The following CDH4 variants were observed in gnomAD, a reference collection of about 807,000 sequenced individuals.
CDH4 encodes the protein cadherin 4, also known as cadherin-4.
Under a neutral mutation model 86.0 loss-of-function variants are expected in CDH4, and 33 were observed. The observed-to-expected ratio is 0.38, with a 90% confidence interval of 0.29 to 0.51. CDH4 has a LOEUF of 0.51. Among genes scored for constraint, CDH4 ranks in the 20% least tolerant of loss-of-function variants. The probability of loss-of-function intolerance (pLI) is 0.86; values close to 1 mark genes in which losing one functional copy is unlikely to be tolerated. For synonymous variants in CDH4, 555 were observed against 549.4 expected (o/e 1.01, Z -0.14); for missense variants, 1,114 against 1,307.4 (o/e 0.85, Z 2.28).
intron 2 of CDH4, among the ~76,000 whole-genome samples, chr20:61,305,567 C>T (rs1030441050): frequency 6.6e-6 from 1 of 152,218 alleles, no homozygotes; most frequent in Admixed American, 6.5e-5. Flanking sequence ...AAATAAAACT[C>T]CCTTGATTCT....
chr20:61,398,420 A>C (rs1353554910), intron 2 of CDH4, among the ~76,000 whole-genome samples: 2 of 152,236 alleles, frequency 1.3e-5, no homozygotes, highest in Non-Finnish European at 2.9e-5. Flanking sequence ...GAATCATCGG[A>C]TGTGTATACA....
At chr20:61,527,101 G>A (rs1345054356) in intron 2 of CDH4, among the ~76,000 whole-genome samples, 2 of 152,218 alleles carry the variant, frequency 1.3e-5, no homozygotes, top group East Asian at 1.9e-4. Flanking sequence ...CATGAACTAC[G>A]CGCACATACA....
At chr20:61,888,392 C>T (rs771399530) in intron 7 of CDH4, among the ~76,000 whole-genome samples, 18 of 152,150 alleles carry the variant, frequency 1.2e-4, no homozygotes, top group Non-Finnish European at 2.5e-4. Context: ...AAGGGAGGGC[C>T]GGGTGCTCAC....
chr20:61,928,074 C>G, intron 11 of CDH4, 116 bp from the exon 12 acceptor site: 1 of 817,534 alleles, frequency 1.2e-6, no homozygotes, highest in Admixed American at 1.8e-5. Context: ...GGGGTCTGCA[C>G]ATGTGTCCCT....
chr20:61,760,305 C>T (rs1568800466), intron 3 of CDH4, among the ~76,000 whole-genome samples: 1 of 152,262 alleles, frequency 6.6e-6, no homozygotes, highest in Admixed American at 6.5e-5. Context: ...AAAGAACCAA[C>T]TCTAAACTTT....
At chr20:61,625,177 C>A (rs964033923) in intron 2 of CDH4, among the ~76,000 whole-genome samples, 1 of 152,108 alleles carries the variant, frequency 6.6e-6, no homozygotes, top group African/African-American at 2.4e-5. Flanking sequence ...GCACCTCTCC[C>A]GAGCTGTGCA....
chr20:61,474,054 TCTG>T (rs1022255276), intron 2 of CDH4, among the ~76,000 whole-genome samples: 1 of 152,148 alleles, frequency 6.6e-6, no homozygotes, highest in Non-Finnish European at 1.5e-5. Flanking sequence ...TCCAGGCTGT[TCTG>T]CTGACAGCCA....
intron 2 of CDH4, among the ~76,000 whole-genome samples, chr20:61,268,328 G>A (rs934992339): frequency 6.6e-6 from 1 of 152,254 alleles, no homozygotes; most frequent in African/African-American, 2.4e-5. Flanking sequence ...ATGTCTCGGA[G>A]CATCTCAGCC....
intron 2 of CDH4, among the ~76,000 whole-genome samples, chr20:61,288,418 C>T (rs2084304532): frequency 6.6e-6 from 1 of 152,342 alleles, no homozygotes; most frequent in Middle Eastern, 3.4e-3. Context: ...TTTGTCCGCA[C>T]TTAGGCCAGT....
In CDH4 at chr20:61,614,128, G is replaced by A. The variant is rs138225309; in HGVS notation, c.170-129435G>A. ...GAGCCTGGGATTTAGCAAGTGTTAC[G>A]AGTGTCTCTATGCTTATGAGTTTAT... On this transcript the variant is annotated intron_variant, in intron 2 of 15. Transcript: ENST00000614565. 4.0e-3 allele frequency among the ~76,000 whole-genome samples: 613 copies of A among 152,170 alleles called. 15 individuals are homozygous for A. The highest frequency in any genetic ancestry group is 0.014 in the African/African-American group (563 of 41,454).
At chr20:61,801,210 C>A (rs1031210811) in intron 4 of CDH4, among the ~76,000 whole-genome samples, 4 of 152,186 alleles carry the variant, frequency 2.6e-5, no homozygotes, top group African/African-American at 9.7e-5. Context: ...TGTCTGCAGG[C>A]TGCAGCGGGA....
At chr20:61,908,598 G>A (rs1056250394) in intron 8 of CDH4, among the ~76,000 whole-genome samples, 5 of 152,184 alleles carry the variant, frequency 3.3e-5, no homozygotes, top group Admixed American at 2.0e-4. Context: ...TCTGCTGGCC[G>A]CCCGACGCCC....
chr20:61,319,075 G>C (rs148722049), intron 2 of CDH4, among the ~76,000 whole-genome samples: 1 of 152,174 alleles, frequency 6.6e-6, no homozygotes, highest in Admixed American at 6.5e-5. Flanking sequence ...AGCACTGAGC[G>C]CTTGCCCTGT....
chr20:61,696,140 G>A (rs1338392396), intron 2 of CDH4, among the ~76,000 whole-genome samples: 1 of 152,228 alleles, frequency 6.6e-6, no homozygotes, highest in Non-Finnish European at 1.5e-5. Context: ...CCATGTCTGT[G>A]CCAGGCTGGA....
At position 61,681,774 on chromosome 20, in the gene CDH4, C is replaced by T. The variant is rs2087516895; in HGVS notation, c.170-61789C>T. The stretch of plus-strand genomic sequence containing the variant: ...GCGTCGGTGTTGCTGTGTTCTCAGG[C>T]CCGTGCAGCTGACATTCCTTTGGCT... On this transcript the variant is annotated intron_variant, in intron 2 of 15. Transcript: ENST00000614565. The surrounding 1 kb of genome is among the most constrained non-coding windows in gnomAD (Gnocchi z 4.5). 6.6e-6 allele frequency among the ~76,000 whole-genome samples: 1 copy of T among 152,174 alleles called. No homozygotes were observed. Among genetic ancestry groups the T allele is most frequent in the South Asian group, 2.1e-4 (1 of 4,826 alleles).
chr20:61,833,982 A>G (rs1392474810), intron 4 of CDH4, among the ~76,000 whole-genome samples: 1 of 152,154 alleles, frequency 6.6e-6, no homozygotes, highest in East Asian at 1.9e-4. Context: ...TCTCCTTCCT[A>G]TTGGCCCAGC....
intron 8 of CDH4, among the ~76,000 whole-genome samples, chr20:61,898,238 G>A (rs1054830361): frequency 6.6e-6 from 1 of 152,252 alleles, no homozygotes; most frequent in Non-Finnish European, 1.5e-5. Flanking sequence ...TTTTTACCAA[G>A]CCTAATCAAG....
chr20:61,721,024 C>A (rs1227782231), intron 2 of CDH4, among the ~76,000 whole-genome samples: 1 of 152,106 alleles, frequency 6.6e-6, no homozygotes, highest in East Asian at 1.9e-4. Context: ...ACCATGTGTC[C>A]CCCCGGCTCC....
intron 3 of CDH4, among the ~76,000 whole-genome samples, chr20:61,768,364 A>G (rs891655331): frequency 1.3e-5 from 2 of 152,210 alleles, no homozygotes; most frequent in Non-Finnish European, 2.9e-5. Flanking sequence ...CTATATGTGC[A>G]TGTGCGTACA....
Sources: gnomAD v4.1 joint callset for allele counts (sites outside exome capture counted in the v4.1 genomes callset) on GRCh38, gnomAD v4.1.1 for gene constraint, Gnocchi (gnomAD v3.1) non-coding constraint, MANE v1.5 for transcripts, NCBI Gene and HGNC (gene_info 2026-07-23, HGNC 2026-07-21) for gene names.